C7orf57: variants seen among roughly 807,000 people sequenced by gnomAD.
C7orf57 encodes the protein chromosome 7 open reading frame 57, also known as uncharacterized protein C7orf57.
In C7orf57, 33 loss-of-function variants were observed where a neutral mutation model predicts 39.0. That is an observed-to-expected ratio of 0.85 (90% CI 0.64 to 1.13). C7orf57 has a LOEUF of 1.13. Among genes scored for constraint, C7orf57 ranks in the 50% most tolerant of loss-of-function variants. The probability of loss-of-function intolerance (pLI) is 0.00; values close to 1 mark genes in which losing one functional copy is unlikely to be tolerated. For missense variants in C7orf57, 346 were observed against 362.3 expected, an observed-to-expected ratio of 0.95 and a Z score of 0.37; for synonymous variants, 124 against 137.1, an observed-to-expected ratio of 0.90 and a Z score of 0.67.
intron 2 of C7orf57, among the ~76,000 whole-genome samples, chr7:48,039,985 A>T (rs1790500393): frequency 1.3e-5 from 2 of 151,934 alleles, no homozygotes; most frequent in African/African-American, 4.8e-5. Flanking sequence ...GCATCTGGTT[A>T]ATCAATTTCA....
In C7orf57 at chr7:48,037,768, T is replaced by C. The variant is rs540519702; in HGVS notation, c.55+1405T>C. ...AACCCTCTGTGTGTGTGTGTGTGTG[T>C]GCGCGCGCGTGCGTGTGTGTGAGGT... On this transcript the variant is annotated intron_variant, in intron 2 of 8. Coordinates refer to ENST00000348904, the MANE Select transcript of C7orf57 (RefSeq NM_001100159.3). 6.0e-4 allele frequency among the ~76,000 whole-genome samples: 90 copies of C among 150,442 alleles called. 1 individual carries two copies. The highest frequency in any genetic ancestry group is 1.5e-3 in the Admixed American group (22 of 15,062).
At chr7:48,045,767 G>A (rs145913844) in intron 4 of C7orf57, among the ~76,000 whole-genome samples, 554 of 152,212 alleles carry the variant, frequency 3.6e-3, no homozygotes, top group Middle Eastern at 0.01. Flanking sequence ...TGTACAGATG[G>A]TACCTTCAGG....
chr7:48,050,563 A>G lies in C7orf57; in HGVS notation c.605+586A>G, dbSNP rs62447113. ...AATTCTTCAAACAGCTTCTTGTCCA[A>G]TGGGGAAAAAACAATCAGATACATT... On this transcript the variant is annotated intron_variant, in intron 6 of 8. Transcript: ENST00000348904. 5.4e-3 allele frequency among the ~76,000 whole-genome samples: 816 copies of G among 152,256 alleles called. 3 individuals carry two copies. Among genetic ancestry groups the G allele is most frequent in the Non-Finnish European group, 9.1e-3 (616 of 67,974 alleles).
intron 8 of C7orf57, 85 bp from the exon 9 acceptor site, chr7:48,060,141 G>T (rs6463460): frequency 0.091 from 79,810 of 876,126 alleles, 5,276 homozygotes; most frequent in African/African-American, 0.29. Flanking sequence ...ACAAAACTAT[G>T]TGTTTTCTTA....
Position 48,046,373 on chromosome 7 carries a change from A to G in C7orf57, c.351-87A>G, listed in dbSNP as rs896646291. On this transcript the variant is annotated intron_variant, in intron 4 of 8. Coordinates refer to ENST00000348904, the MANE Select transcript of C7orf57 (RefSeq NM_001100159.3). ...GAGGGAGACAGAAGGAGGGAGGGAA[A>G]GGGAGAGCCAGCGATGGAGATGGAA... The G allele has an allele frequency of 1.0e-5, 13 of 1,264,914 alleles. No individual in the cohort carries two copies. The African/African-American group carries it at 1.9e-4, about 19-fold the overall frequency. 78.4% of individuals were successfully genotyped at this position (1,264,914 alleles called of 1,614,324 possible).
intron 2 of C7orf57, among the ~76,000 whole-genome samples, chr7:48,036,885 G>A (rs2128788802): frequency 1.3e-5 from 2 of 151,966 alleles, no homozygotes; most frequent in South Asian, 4.2e-4. Context: ...GGTTTGAAGT[G>A]GAGGAGAGGG....
intron 2 of C7orf57, among the ~76,000 whole-genome samples, chr7:48,038,026 T>C (rs1019254790): frequency 1.3e-5 from 2 of 152,238 alleles, no homozygotes; most frequent in African/African-American, 4.8e-5. Flanking sequence ...TTGAACTGAA[T>C]ATGATCGGAG....
Position 48,041,556 on chromosome 7 carries a change from C to T in C7orf57, c.241+37C>T, listed in dbSNP as rs770586908. 6.0e-6 allele frequency: 9 copies of T among 1,494,328 alleles called. No homozygotes were observed. The South Asian group carries it at 6.7e-5, about 11-fold the overall frequency. 92.6% of individuals were successfully genotyped at this position (1,494,328 alleles called of 1,614,324 possible). On this transcript the variant is annotated intron_variant, in intron 3 of 8. Coordinates refer to ENST00000348904, the MANE Select transcript of C7orf57 (RefSeq NM_001100159.3). ...CCTGCCCTGTTCAGTGTGGCAGCCT[C>T]GCGGGCGGTGAGGGGGGCGTTTGTT...
chr7:48,045,835 A>G (rs1267723078), intron 4 of C7orf57, among the ~76,000 whole-genome samples: 1 of 152,064 alleles, frequency 6.6e-6, no homozygotes, highest in East Asian at 1.9e-4. Flanking sequence ...TGCGCTGCCT[A>G]TATGGGAAGA....
intron 3 of C7orf57, among the ~76,000 whole-genome samples, chr7:48,042,487 C>T (rs771034733): frequency 2.3e-4 from 35 of 151,928 alleles, no homozygotes; most frequent in African/African-American, 8.5e-4. Context: ...GTCTGCAACG[C>T]GCTGCCCAGT....
chr7:48,038,205 C>T (rs1011787280), intron 2 of C7orf57, among the ~76,000 whole-genome samples: 2 of 151,824 alleles, frequency 1.3e-5, no homozygotes, highest in African/African-American at 2.4e-5. Flanking sequence ...TATTAAATAC[C>T]ATCCATTAAA....
chr7:48,058,688 G>T lies in C7orf57; in HGVS notation c.842-1538G>T, dbSNP rs184058247. Reference sequence around the variant, plus strand: ...TCTATCTTTTCTTCTGCTAACCTTGGGCTTAGATTATTCTTTAGGACCTCA... The same window carrying T: ...TCTATCTTTTCTTCTGCTAACCTTGTGCTTAGATTATTCTTTAGGACCTCA... On this transcript the variant is annotated intron_variant, in intron 8 of 8. Coordinates refer to ENST00000348904, the MANE Select transcript of C7orf57 (RefSeq NM_001100159.3). Among the ~76,000 whole-genome samples, 7 of 151,156 alleles carry T rather than the reference G, an allele frequency of 4.6e-5. No homozygotes were observed. The East Asian group carries it at 1.4e-3, about 29-fold the overall frequency.
In C7orf57 at chr7:48,043,584, G is replaced by A. The variant is rs202142299; in HGVS notation, c.345G>A (p.Gln115=). 6.2e-7 allele frequency: 1 copy of A among 1,612,970 alleles called. No individual in the cohort carries two copies. Among genetic ancestry groups the A allele is most frequent in the Non-Finnish European group, 8.5e-7 (1 of 1,179,170 alleles). ...IHHSKPPTAS[Q]QEVRAVSMPD... is the part of the protein sequence containing the mutation. ...ACAGCAAGCCACCGACAGCCAGCCA[G>A]CAAGAGTAAGTACCTTAAAGCACTC... The change falls in exon 4 of 9, where the codon CAG becomes CAA. Residue 115 remains glutamine (Q), a synonymous_variant. Transcript: ENST00000348904.
At chr7:48,051,795 TTTCCTTCC>T (rs1228700045) in intron 6 of C7orf57, among the ~76,000 whole-genome samples, 1 of 77,604 alleles carries the variant, frequency 1.3e-5, no homozygotes. Flanking sequence ...TCTTTCTTTC[TTTCCTTCC>T]TTCCTTTTCT....
intron 5 of C7orf57, among the ~76,000 whole-genome samples, chr7:48,047,898 T>C (rs2686786): frequency 0.86 from 131,280 of 152,066 alleles, 57,142 homozygotes; most frequent in Non-Finnish European, 0.93. Context: ...AGAATTAGAT[T>C]TATCTCTTAG....
At chr7:48,052,193 C>T (rs938484594) in intron 6 of C7orf57, among the ~76,000 whole-genome samples, 11 of 151,892 alleles carry the variant, frequency 7.2e-5, no homozygotes, top group Admixed American at 3.9e-4. Flanking sequence ...AGGATGGCCT[C>T]GATCTCTTGA....
chr7:48,044,947 G>A (rs771960804), intron 4 of C7orf57, among the ~76,000 whole-genome samples: 3 of 152,104 alleles, frequency 2.0e-5, no homozygotes, highest in East Asian at 1.9e-4. Flanking sequence ...GTGGTTATCC[G>A]GTGTTACTTG....
chr7:48,050,497 C>A (rs1439458416), intron 6 of C7orf57, among the ~76,000 whole-genome samples: 5 of 152,144 alleles, frequency 3.3e-5, no homozygotes, highest in Non-Finnish European at 7.4e-5. Flanking sequence ...CTCCCAGAAT[C>A]CAAGTTTAAT....
At chr7:48,056,921 T>C (rs1422853597) in intron 8 of C7orf57, among the ~76,000 whole-genome samples, 1 of 152,172 alleles carries the variant, frequency 6.6e-6, no homozygotes, top group Non-Finnish European at 1.5e-5. Context: ...GGCACCTTTG[T>C]TGAAAATTAA....
Sources: gnomAD v4.1 joint callset for allele counts (sites outside exome capture counted in the v4.1 genomes callset) on GRCh38, gnomAD v4.1.1 for gene constraint, MANE v1.5 for transcripts, NCBI Gene and HGNC (gene_info 2026-07-23, HGNC 2026-07-21) for gene names.